The following ZNF423 variants were observed in gnomAD, a reference collection of about 807,000 sequenced individuals.
ZNF423 encodes zinc finger protein 423, also known as Ebf-associated zinc finger protein.
ZNF423 carries 12 observed loss-of-function variants against 95.8 expected under a neutral mutation model. The observed-to-expected ratio is 0.13, with a 90% CI of 0.08 to 0.20. The LOEUF (loss-of-function observed/expected upper bound fraction) is 0.20, where lower values mean the gene tolerates loss of function less well. Among genes scored for constraint, ZNF423 ranks in the 10% least tolerant of loss-of-function variants. The pLI is 1.00. For missense variants in ZNF423, 1,316 were observed against 1,737.1 expected (o/e 0.76, Z 4.31); for synonymous variants, 749 against 711.9 (o/e 1.05, Z -0.83).
At chr16:49,625,677 C>A (rs1295573378) in intron 5 of ZNF423, among the ~76,000 whole-genome samples, 1 of 152,216 alleles carries the variant, frequency 6.6e-6, no homozygotes, top group Non-Finnish European at 1.5e-5. Context: ...CTCCATAGAA[C>A]TTTGCAAGCT....
intron 1 of ZNF423, among the ~76,000 whole-genome samples, chr16:49,831,551 C>T (rs2035061114): frequency 6.6e-6 from 1 of 152,106 alleles, no homozygotes. Context: ...AGCATGAGAC[C>T]ACCATACAGG....
chr16:49,749,624 G>T (rs1182756105), intron 2 of ZNF423, among the ~76,000 whole-genome samples: 1 of 152,228 alleles, frequency 6.6e-6, no homozygotes, highest in Admixed American at 6.5e-5. Context: ...ATGGGATCCT[G>T]CGCCACACGC....
chr16:49,682,062 AATT>A (rs796809871), intron 3 of ZNF423, among the ~76,000 whole-genome samples: 3 of 141,270 alleles, frequency 2.1e-5, no homozygotes, highest in African/African-American at 8.1e-5. Context: ...TCTGTCCTCT[AATT>A]ACCCCCCAGT....
intron 3 of ZNF423, among the ~76,000 whole-genome samples, chr16:49,694,979 C>A (rs1342980651): frequency 6.6e-6 from 1 of 152,244 alleles, no homozygotes; most frequent in East Asian, 1.9e-4. Flanking sequence ...TCCTCAGAGG[C>A]AGCCTCTGGC....
At chr16:49,677,642 T>C (rs2031171298) in intron 3 of ZNF423, among the ~76,000 whole-genome samples, 2 of 150,866 alleles carry the variant, frequency 1.3e-5, no homozygotes, top group Admixed American at 1.3e-4. Flanking sequence ...TAAAAGTAGC[T>C]ACTAGGGAGG....
intron 5 of ZNF423, among the ~76,000 whole-genome samples, chr16:49,548,192 G>C (rs1199570115): frequency 6.6e-6 from 1 of 152,084 alleles, no homozygotes; most frequent in Non-Finnish European, 1.5e-5. Context: ...AGTTTGGTCT[G>C]AGCATTCTTC....
At chr16:49,586,657 C>A (rs933476247) in intron 5 of ZNF423, among the ~76,000 whole-genome samples, 1 of 152,260 alleles carries the variant, frequency 6.6e-6, no homozygotes, top group African/African-American at 2.4e-5. Flanking sequence ...GCGTGTGGAT[C>A]ACAGCTCAGA....
At chr16:49,770,082 C>T (rs536004732) in intron 2 of ZNF423, among the ~76,000 whole-genome samples, 1 of 152,256 alleles carries the variant, frequency 6.6e-6, no homozygotes, top group African/African-American at 2.4e-5. Flanking sequence ...GTGCCATCTC[C>T]CCACAAGACT....
chr16:49,718,923 T>TAATTCAGACCA (rs2032785866), intron 3 of ZNF423, among the ~76,000 whole-genome samples: 2 of 152,128 alleles, frequency 1.3e-5, no homozygotes, highest in African/African-American at 4.8e-5. Context: ...CCATAGCCAG[T>TAATTCAGACCA]TATAATAAAG....
In ZNF423 at chr16:49,636,104, T is replaced by A. The variant is rs1972689064; in HGVS notation, c.3072A>T (p.Ser1024=). 1 of 1,613,486 alleles carries A rather than the reference T, an allele frequency of 6.2e-7. No individual in the cohort carries two copies. Among genetic ancestry groups the A allele is most frequent in the Admixed American group, 1.7e-5 (1 of 59,992 alleles). Residue 1024 remains serine, a synonymous_variant, in exon 4 of 8, where the codon TCA becomes TCT. Transcript: ENST00000563137. The surrounding 1 kb of genome is among the most constrained non-coding windows in gnomAD (Gnocchi z 8.6). ...HCQMHPDLRN[S]LTGFRCVVCM... is the part of the protein sequence containing the mutation. The stretch of plus-strand genomic sequence containing the variant: ...AGACCACACAGCGGAAGCCCGTGAG[T>A]GAGTTGCGCAGGTCAGGGTGCATCT...
intron 3 of ZNF423, among the ~76,000 whole-genome samples, chr16:49,688,889 A>G (rs997367448): frequency 3.3e-5 from 5 of 152,190 alleles, no homozygotes; most frequent in Non-Finnish European, 5.9e-5. Context: ...TGGCCACGCT[A>G]GTATCCACTC....
intron 5 of ZNF423, among the ~76,000 whole-genome samples, chr16:49,565,451 G>A (rs574184470): frequency 6.6e-6 from 1 of 152,274 alleles, no homozygotes; most frequent in Admixed American, 6.5e-5. Flanking sequence ...GAGCACCATC[G>A]GCCCCTCTCA....
intron 2 of ZNF423, among the ~76,000 whole-genome samples, chr16:49,785,931 C>T (rs1199019269): frequency 1.3e-5 from 2 of 152,194 alleles, no homozygotes; most frequent in Non-Finnish European, 1.5e-5. Flanking sequence ...CACATGAAAC[C>T]CTGTGTGTGT....
intron 5 of ZNF423, among the ~76,000 whole-genome samples, chr16:49,531,979 G>A (rs1968861395): frequency 6.6e-6 from 1 of 152,222 alleles, no homozygotes; most frequent in Non-Finnish European, 1.5e-5. Context: ...GAACCACTGA[G>A]CGCGATACAA....
chr16:49,789,157 T>A (rs2034367756), intron 2 of ZNF423, among the ~76,000 whole-genome samples: 1 of 152,168 alleles, frequency 6.6e-6, no homozygotes, highest in South Asian at 2.1e-4. Context: ...GTGGCTTTTA[T>A]GCAATTAGAT....
intron 5 of ZNF423, among the ~76,000 whole-genome samples, chr16:49,617,553 GC>G: frequency 6.6e-6 from 1 of 152,286 alleles, no homozygotes; most frequent in East Asian, 1.9e-4. Context: ...TCCAGTGCCA[GC>G]CCCTCCAGGA....
intron 1 of ZNF423, among the ~76,000 whole-genome samples, chr16:49,802,535 GA>G (rs2034598300): frequency 6.6e-6 from 1 of 152,210 alleles, no homozygotes; most frequent in Non-Finnish European, 1.5e-5. Flanking sequence ...CTGCTGAGCA[GA>G]ATAAATGTGC....
At chr16:49,731,633 C>T (rs1209210756) in intron 2 of ZNF423, among the ~76,000 whole-genome samples, 1 of 150,886 alleles carries the variant, frequency 6.6e-6, no homozygotes. Flanking sequence ...GGCAATATAG[C>T]AAGACTCTAT....
intron 5 of ZNF423, among the ~76,000 whole-genome samples, chr16:49,554,563 C>T (rs957393273): frequency 2.6e-5 from 4 of 152,016 alleles, no homozygotes; most frequent in Non-Finnish European, 5.9e-5. Flanking sequence ...TCTGAAAATG[C>T]CAACTCAATG....
Sources: gnomAD v4.1 joint callset for allele counts (sites outside exome capture counted in the v4.1 genomes callset) on GRCh38, gnomAD v4.1.1 for gene constraint, Gnocchi (gnomAD v3.1) non-coding constraint, MANE v1.5 for transcripts, NCBI Gene and HGNC (gene_info 2026-07-23, HGNC 2026-07-21) for gene names.